The following COQ10A variants were observed in gnomAD, a reference collection of about 807,000 sequenced individuals.
COQ10A encodes the protein coenzyme Q-binding protein COQ10 homolog A, mitochondrial.
In COQ10A, 25 loss-of-function variants were observed where a neutral mutation model predicts 26.1. The observed-to-expected ratio is 0.96, with a 90% confidence interval of 0.70 to 1.34. The LOEUF (loss-of-function observed/expected upper bound fraction) is 1.34. Ranked by LOEUF, COQ10A falls within the 40% of genes most tolerant of loss-of-function variation. COQ10A has a pLI of 0.00. For missense variants in COQ10A, 312 were observed against 335.4 expected (o/e 0.93, Z 0.54); for synonymous variants, 132 against 124.0 (o/e 1.06, Z -0.43).
intron 1 of COQ10A, 79 bp from the exon 2 acceptor site, chr12:56,267,715 A>C: frequency 1.3e-6 from 2 of 1,586,598 alleles, no homozygotes; most frequent in South Asian, 1.1e-5. Context: ...TCTGGGATGC[A>C]CTCTTCTTCT....
chr12:56,270,053 G>C lies in COQ10A; in HGVS notation c.577-97G>C, dbSNP rs115472270. On this transcript the variant is annotated intron_variant, in intron 4 of 4. Coordinates refer to ENST00000308197, the MANE Select transcript of COQ10A (RefSeq NM_144576.4). ...CGGGGATCCACGAACTGGATGGGGA[G>C]GGGGAGAAAAGGCACTGAGGAACAG... 1.0e-3 allele frequency: 1,278 copies of C among 1,238,894 alleles called. 12 individuals are homozygous for C. The African/African-American group carries it at 0.017, about 16-fold the overall frequency. 76.7% of individuals were successfully genotyped at this position (1,238,894 alleles called of 1,614,324 possible).
intron 4 of COQ10A, chr12:56,269,931 G>C: frequency 1.7e-6 from 1 of 585,592 alleles, no homozygotes; most frequent in Non-Finnish European, 3.0e-6. Flanking sequence ...CGACCTGACA[G>C]GGTTATTCTT....
rs182732660 is a variant in COQ10A at position 56,270,499 on chromosome 12, A to G, written c.*182A>G. 29 of 649,854 alleles carry G rather than the reference A, an allele frequency of 4.5e-5. No homozygotes were observed. The East Asian group carries it at 6.8e-4, about 15-fold the overall frequency. The allele number at this position is 649,854 out of a possible 1,614,324, so 40.3% of individuals were successfully genotyped here. A position where few individuals can be genotyped will look rare whatever the true frequency, so the allele number is the denominator to read the frequency against. On this transcript the variant is annotated 3_prime_UTR_variant, in exon 5 of 5. Transcript: ENST00000308197. ...AAATGTTGGGGGAAAGAGAAGGCAA[A>G]GGATGTGGAAATGAGATGTGCTTAG... is the stretch of plus-strand genomic sequence containing the variant.
chr12:56,270,019 G>T (rs1872465709), intron 4 of COQ10A, 131 bp from the exon 5 acceptor site: 1 of 853,560 alleles, frequency 1.2e-6, no homozygotes, highest in South Asian at 1.6e-5. Context: ...TCCCAAGTTA[G>T]GGCTCTTACG....
In COQ10A at chr12:56,267,852, G is replaced by T. The variant is rs757534197; in HGVS notation, c.193G>T (p.Ala65Ser). 423 of 1,614,086 alleles carry T rather than the reference G, an allele frequency of 2.6e-4. No individual in the cohort carries two copies. The highest frequency in any genetic ancestry group is 3.3e-4 in the Non-Finnish European group (395 of 1,180,046). Residue 65 changes from alanine (A) to serine (S), a missense_variant, in exon 2 of 5, where the codon GCT becomes TCT. Coordinates refer to ENST00000308197, the MANE Select transcript of COQ10A (RefSeq NM_144576.4). ...GGCTGCCCAGATCTTGGCGGCTGAG[G>T]CTGGCTTACCTTCGAGCCGTTCCTT... ...PRAAQILAAE[A>S]GLPSSRSFMG...
At chr12:56,269,302 C>G (rs1872438552) in intron 3 of COQ10A, 51 bp downstream of exon 3, 1 of 1,579,726 alleles carries the variant, frequency 6.3e-7, no homozygotes. Flanking sequence ...TTAGCAGTTT[C>G]ATATGAAAGT....
rs1872367488 is a variant in COQ10A at position 56,267,060 on chromosome 12, T to C, written c.-59T>C. The C allele has an allele frequency of 1.6e-6, 2 of 1,238,264 alleles. No individual in the cohort carries two copies. Among genetic ancestry groups the C allele is most frequent in the African/African-American group, 1.6e-5 (1 of 63,244 alleles). 76.7% of individuals were successfully genotyped at this position (1,238,264 alleles called of 1,614,324 possible). A position where few individuals can be genotyped will look rare whatever the true frequency, so the allele number is the denominator to read the frequency against. ...GCCGCTGCCTCTTGCCGCTCCGCCT[T>C]TGGAGTGAGGAGGGCGCAGCCCGCG... On this transcript the variant is annotated 5_prime_UTR_variant, in exon 1 of 5. Transcript: ENST00000308197.
chr12:56,270,356 TC>T lies in COQ10A; in HGVS notation c.*42del, dbSNP rs763726151. 1.3e-5 allele frequency: 21 copies of T among 1,580,818 alleles called. No individual in the cohort carries two copies. Among genetic ancestry groups the T allele is most frequent in the Admixed American group, 1.7e-5 (1 of 57,354 alleles). Reference sequence around the variant, plus strand: ...TCCCTGACCTCCCTTCTACCCCACTTCCCTACACAATTCTCTTATTTATTTG... The same window carrying T: ...TCCCTGACCTCCCTTCTACCCCACTTCCTACACAATTCTCTTATTTATTTG... On this transcript the variant is annotated 3_prime_UTR_variant, in exon 5 of 5. Coordinates refer to ENST00000308197, the MANE Select transcript of COQ10A (RefSeq NM_144576.4).
rs756238976 is a variant in COQ10A at position 56,267,959 on chromosome 12, G to A, written c.281+19G>A. On this transcript the variant is annotated intron_variant, in intron 2 of 4. Transcript: ENST00000308197. ...TCATGGGGTAAGCATTCTCTGCCTT[G>A]CATCCTTGCACCTCCCTTTTCCCTC... 5.0e-6 allele frequency: 8 copies of A among 1,613,274 alleles called. No homozygotes were observed. Among genetic ancestry groups the A allele is most frequent in the Non-Finnish European group, 6.8e-6 (8 of 1,179,606 alleles).
Position 56,269,523 on chromosome 12 carries a change from A to T in COQ10A, c.538A>T (p.Ile180Phe). The T allele has an allele frequency of 6.2e-7, 1 of 1,614,180 alleles. No individual in the cohort carries two copies. The highest frequency in any genetic ancestry group is 8.5e-7 in the Non-Finnish European group (1 of 1,180,012). ...GACTATTTGGCGATTCAGCCCTGGT[A>T]TTCCTGCCTATCCTCGAACCTGCAC... ...LETIWRFSPG[I>F]PAYPRTCTVD... The change falls in exon 4 of 5, where the codon ATT becomes TTT. Residue 180 changes from isoleucine to phenylalanine, a missense_variant. By Grantham distance (21) the Ile-to-Phe change is conservative. Transcript: ENST00000308197.
rs548959680 is a variant in COQ10A at position 56,269,907 on chromosome 12, G to A, written c.577-243G>A. Reference sequence around the variant, plus strand: ...CTCCCAAAGTGCTGGGATTACAGGCGTGAGCCACCGCACCGACCTGACAGG... The same window carrying A: ...CTCCCAAAGTGCTGGGATTACAGGCATGAGCCACCGCACCGACCTGACAGG... On this transcript the variant is annotated intron_variant, in intron 4 of 4. Coordinates refer to ENST00000308197, the MANE Select transcript of COQ10A (RefSeq NM_144576.4). 2,246 of 550,378 alleles carry A rather than the reference G, an allele frequency of 4.1e-3. 14 individuals carry two copies. Among genetic ancestry groups the A allele is most frequent in the Middle Eastern group, 0.011 (23 of 2,054 alleles). The allele number at this position is 550,378 out of a possible 1,614,324, so 34.1% of individuals were successfully genotyped here.
rs533811178 is a variant in COQ10A at position 56,267,170 on chromosome 12, G to A, written c.52G>A (p.Glu18Lys). The part of the protein sequence containing the change: ...RVPAGTRAAA[E>K]RCCRLSLSPG... ...CCCAGCTGGGACGCGCGCGGCAGCC[G>A]AGCGCTGCTGCCGGCTCTCGCTCAG... The change falls in exon 1 of 5, where the codon GAG becomes AAG. Residue 18 changes from glutamate (E) to lysine (K), a missense_variant. By Grantham distance (56) the Glu-to-Lys change is moderately conservative. Coordinates refer to ENST00000308197, the MANE Select transcript of COQ10A (RefSeq NM_144576.4). 2.0e-5 allele frequency: 27 copies of A among 1,352,758 alleles called. No homozygotes were observed. The highest frequency in any genetic ancestry group is 2.4e-5 in the Non-Finnish European group (25 of 1,058,740). The allele number at this position is 1,352,758 out of a possible 1,614,324, so 83.8% of individuals were successfully genotyped here. A position where few individuals can be genotyped will look rare whatever the true frequency, so the allele number is the denominator to read the frequency against.
intron 1 of COQ10A, 63 bp downstream of exon 1, chr12:56,267,315 G>A (rs1872378363): frequency 1.9e-6 from 3 of 1,605,822 alleles, no homozygotes; most frequent in Non-Finnish European, 2.6e-6. Context: ...GTTCCGCGGT[G>A]GAGGGGTGCT....
intron 3 of COQ10A, 93 bp from the exon 4 acceptor site, chr12:56,269,367 C>T: frequency 6.9e-7 from 1 of 1,452,824 alleles, no homozygotes; most frequent in East Asian, 2.3e-5. Flanking sequence ...GTATTTCCCT[C>T]ATATCAGAAA....
rs1872396375 is a variant in COQ10A, at chr12:56,267,847, C to T, written c.188C>T (p.Ala63Val). The T allele has an allele frequency of 6.2e-7, 1 of 1,614,236 alleles. No individual in the cohort carries two copies. The highest frequency in any genetic ancestry group is 2.2e-5 in the East Asian group (1 of 44,888). The change falls in exon 2 of 5, where the codon GCT becomes GTT. Residue 63 changes from alanine (A) to valine (V), a missense_variant. Transcript: ENST00000308197. ...CCTCGGGCTGCCCAGATCTTGGCGG[C>T]TGAGGCTGGCTTACCTTCGAGCCGT... ...LLPRAAQILAAEAGLPSSRSF... is the reference protein window; with the variant it reads ...LLPRAAQILAVEAGLPSSRSF...
rs982794838 is a variant in COQ10A, at chr12:56,269,382, G to A, written c.475-78G>A. On this transcript the variant is annotated intron_variant, in intron 3 of 4. Transcript: ENST00000308197. Reference sequence around the variant, plus strand: ...GTATTTCCCTCATATCAGAAAAGAAGGAAAATGGCTTTCAATTCCTTTATA... The same window carrying A: ...GTATTTCCCTCATATCAGAAAAGAAAGAAAATGGCTTTCAATTCCTTTATA... 4.0e-6 allele frequency: 6 copies of A among 1,482,190 alleles called. No homozygotes were observed. The African/African-American group carries it at 4.2e-5, about 10-fold the overall frequency. 91.8% of individuals were successfully genotyped at this position (1,482,190 alleles called of 1,614,324 possible).
At chr12:56,267,353 T>G (rs771123805) in intron 1 of COQ10A, 101 bp downstream of exon 1, 1 of 1,613,702 alleles carries the variant, frequency 6.2e-7, no homozygotes, top group Non-Finnish European at 8.5e-7. Context: ...CGGCGGGGAC[T>G]GGCAGCAATC....
rs1872393986 is a variant in COQ10A at position 56,267,788 on chromosome 12, C to T, written c.135-6C>T. ...TACGGTTGGCTCCTCTTTCCTTTGG[C>T]CTTAGGTTTCTGACCTCCTGCAGCC... On this transcript the variant is annotated splice_polypyrimidine_tract_variant and splice_region_variant and intron_variant, in intron 1 of 4. Coordinates refer to ENST00000308197, the MANE Select transcript of COQ10A (RefSeq NM_144576.4). 6.2e-7 allele frequency: 1 copy of T among 1,614,158 alleles called. No individual in the cohort carries two copies. Among genetic ancestry groups the T allele is most frequent in the Non-Finnish European group, 8.5e-7 (1 of 1,180,024 alleles).
Position 56,269,575 on chromosome 12 carries a change from T to C in COQ10A, c.576+14T>C. On this transcript the variant is annotated intron_variant, in intron 4 of 4. Transcript: ENST00000308197. ...GTGGACTTTTCGGTGAGTCAGGAGG[T>C]TGTGTAGCAGAGGACGAGGACTGGG... The C allele has an allele frequency of 6.3e-7, 1 of 1,577,620 alleles. No homozygotes were observed. The highest frequency in any genetic ancestry group is 8.7e-7 in the Non-Finnish European group (1 of 1,146,730).
Sources: gnomAD v4.1 joint callset for allele counts on GRCh38, gnomAD v4.1.1 for gene constraint, MANE v1.5 for transcripts, NCBI Gene and HGNC (gene_info 2026-07-23, HGNC 2026-07-21) for gene names.